KCNIP4: variants seen among roughly 807,000 people sequenced by gnomAD.
The protein encoded by KCNIP4 is potassium voltage-gated channel interacting protein 4, also known as Kv channel-interacting protein 4.
A neutral mutation model predicts 34.0 loss-of-function variants in KCNIP4; 12 were observed. The observed-to-expected ratio is 0.35, with a 90% CI of 0.23 to 0.57. KCNIP4 has a LOEUF of 0.57. KCNIP4 is among the 20% of genes least tolerant of loss of function. KCNIP4 has a pLI of 0.83. For missense variants in KCNIP4, 238 were observed against 311.7 expected, an observed-to-expected ratio of 0.76 and a Z score of 1.78; for synonymous variants, 124 against 102.2, an observed-to-expected ratio of 1.21 and a Z score of -1.29.
chr4:21,330,326 G>A (rs1184390888), intron 1 of KCNIP4, among the ~76,000 whole-genome samples: 2 of 152,100 alleles, frequency 1.3e-5, no homozygotes, highest in Non-Finnish European at 2.9e-5. Context: ...ATGTTAACCC[G>A]AATAAGTTTA....
chr4:21,503,016 T>A (rs1159451182), intron 1 of KCNIP4, among the ~76,000 whole-genome samples: 1 of 152,200 alleles, frequency 6.6e-6, no homozygotes, highest in Admixed American at 6.6e-5. Context: ...GGCATGAAAT[T>A]AGTATGATCT....
At chr4:21,463,038 G>A (rs967392490) in intron 1 of KCNIP4, among the ~76,000 whole-genome samples, 4 of 151,876 alleles carry the variant, frequency 2.6e-5, no homozygotes, top group African/African-American at 7.3e-5. Context: ...ATCCAGCAGT[G>A]GGATTGCTGG....
chr4:21,081,023 A>G (rs977866777), intron 1 of KCNIP4, among the ~76,000 whole-genome samples: 1 of 151,898 alleles, frequency 6.6e-6, no homozygotes, highest in Non-Finnish European at 1.5e-5. Flanking sequence ...AATTTAAATA[A>G]CATGTTAGAT....
chr4:21,496,290 A>G (rs549171455), intron 1 of KCNIP4, among the ~76,000 whole-genome samples: 4 of 152,268 alleles, frequency 2.6e-5, no homozygotes, highest in African/African-American at 9.6e-5. Context: ...GAGAGTCAAC[A>G]AAGAAAAAAA....
At chr4:21,253,422 T>C (rs16870624) in intron 1 of KCNIP4, among the ~76,000 whole-genome samples, 3,305 of 152,292 alleles carry the variant, frequency 0.022, 88 homozygotes, top group East Asian at 0.16. Context: ...TATGGCCATA[T>C]TTGACACAGA....
At chr4:21,423,292 ATAAT>A (rs1318891567) in intron 1 of KCNIP4, among the ~76,000 whole-genome samples, 1 of 152,262 alleles carries the variant, frequency 6.6e-6, no homozygotes, top group Non-Finnish European at 1.5e-5. Flanking sequence ...AAGTTGAAAA[ATAAT>A]TAAAGCAAAA....
At chr4:20,908,222 C>T (rs930728483) in intron 1 of KCNIP4, among the ~76,000 whole-genome samples, 1 of 151,932 alleles carries the variant, frequency 6.6e-6, no homozygotes, top group Non-Finnish European at 1.5e-5. Context: ...GCCTCAGCCT[C>T]CTGAGTAGCT....
At chr4:21,707,896 A>G (rs16871711) in intron 1 of KCNIP4, among the ~76,000 whole-genome samples, 11,423 of 151,042 alleles carry the variant, frequency 0.076, 1,117 homozygotes, top group African/African-American at 0.22. Flanking sequence ...CCAATATTCC[A>G]TAAAATTAGG....
At chr4:21,539,786 C>A (rs1476872995) in intron 1 of KCNIP4, among the ~76,000 whole-genome samples, 1 of 152,070 alleles carries the variant, frequency 6.6e-6, no homozygotes, top group Admixed American at 6.5e-5. Flanking sequence ...TAAGACCAGC[C>A]TGGCCAACAC....
chr4:21,637,754 G>A (rs1746310886), intron 1 of KCNIP4, among the ~76,000 whole-genome samples: 1 of 139,386 alleles, frequency 7.2e-6, no homozygotes, highest in Non-Finnish European at 1.5e-5. Flanking sequence ...TTGCACTCCA[G>A]CCTGGGTGAC....
At chr4:21,782,496 C>G (rs1459145470) in intron 1 of KCNIP4, among the ~76,000 whole-genome samples, 2 of 152,092 alleles carry the variant, frequency 1.3e-5, no homozygotes, top group Non-Finnish European at 2.9e-5. Flanking sequence ...GAGTTTGAAA[C>G]CAGCCTGAGC....
chr4:20,864,078 A>C (rs575798899), intron 2 of KCNIP4, among the ~76,000 whole-genome samples: 78 of 150,024 alleles, frequency 5.2e-4, no homozygotes, highest in African/African-American at 1.8e-3. Flanking sequence ...ATACGTATGT[A>C]TGTATGTATA....
At chr4:21,039,885 T>G (rs1335580900) in intron 1 of KCNIP4, among the ~76,000 whole-genome samples, 2 of 152,216 alleles carry the variant, frequency 1.3e-5, no homozygotes, top group Non-Finnish European at 2.9e-5. Flanking sequence ...TATAAAGAAC[T>G]GCCTGAGACT....
intron 1 of KCNIP4, among the ~76,000 whole-genome samples, chr4:21,459,776 C>T (rs974410967): frequency 2.0e-5 from 3 of 152,050 alleles, no homozygotes; most frequent in Admixed American, 6.6e-5. Flanking sequence ...TCATGCTTCA[C>T]ATCTGATCTA....
chr4:21,038,115 T>C (rs1453496361), intron 1 of KCNIP4, among the ~76,000 whole-genome samples: 1 of 152,116 alleles, frequency 6.6e-6, no homozygotes, highest in Non-Finnish European at 1.5e-5. Flanking sequence ...GTAGCTGGGA[T>C]TACAGGCATG....
intron 2 of KCNIP4, among the ~76,000 whole-genome samples, chr4:20,859,491 C>T (rs1284119686): frequency 6.6e-6 from 1 of 152,102 alleles, no homozygotes; most frequent in African/African-American, 2.4e-5. Flanking sequence ...ACCCAGACAC[C>T]ATTGAGCTTC....
chr4:21,782,806 T>C (rs192334432), intron 1 of KCNIP4, among the ~76,000 whole-genome samples: 2 of 152,258 alleles, frequency 1.3e-5, no homozygotes, highest in East Asian at 3.9e-4. Context: ...CAAATTGCAG[T>C]AGATCCCTGC....
At chr4:20,908,161 G>A (rs147093477) in intron 1 of KCNIP4, among the ~76,000 whole-genome samples, 3,370 of 147,310 alleles carry the variant, frequency 0.023, 48 homozygotes, top group Non-Finnish European at 0.037. Flanking sequence ...GTGCAATGGC[G>A]CCATCTCGGC....
chr4:21,938,284 A>G (rs1729983785), intron 1 of KCNIP4, among the ~76,000 whole-genome samples: 1 of 152,028 alleles, frequency 6.6e-6, no homozygotes, highest in African/African-American at 2.4e-5. Flanking sequence ...GGGCTTTTGA[A>G]GTTCTAATTT....
Sources: gnomAD v4.1 joint callset for allele counts (sites outside exome capture counted in the v4.1 genomes callset) on GRCh38, gnomAD v4.1.1 for gene constraint, MANE v1.5 for transcripts, NCBI Gene and HGNC (gene_info 2026-07-23, HGNC 2026-07-21) for gene names.